SMAD9: variants seen among roughly 807,000 people sequenced by gnomAD.
SMAD9 encodes MAD homolog 9.
In SMAD9, 36 loss-of-function variants were observed where a neutral mutation model predicts 46.1. The ratio of observed to expected loss-of-function variants is 0.78; its 90% confidence interval spans 0.60 to 1.03. The LOEUF is 1.03. Ranked by LOEUF, SMAD9 falls within the 50% of genes least tolerant of loss-of-function variation. The pLI is 0.00. For missense variants in SMAD9, 572 were observed against 599.8 expected (o/e 0.95, Z 0.48); for synonymous variants, 245 against 237.1 (o/e 1.03, Z -0.31).
chr13:36,871,687 G>A (rs1275761654), intron 3 of SMAD9, among the ~76,000 whole-genome samples: 2 of 152,106 alleles, frequency 1.3e-5, no homozygotes, highest in Non-Finnish European at 2.9e-5. Flanking sequence ...ATAATATAGT[G>A]CAACAAATAT....
chr13:36,848,437 C>T lies in SMAD9; in HGVS notation c.*239G>A. The T allele has an allele frequency of 1.8e-6, 1 of 545,990 alleles. No homozygotes were observed. The highest frequency in any genetic ancestry group is 3.3e-6 in the Non-Finnish European group (1 of 304,826). The allele number at this position is 545,990 out of a possible 1,614,324, so 33.8% of individuals were successfully genotyped here. A position where few individuals can be genotyped will look rare whatever the true frequency, so the allele number is the denominator to read the frequency against. ...GACAATATCGCCTCTCAAGTGTTTC[C>T]TCCCACAAAATCTGCTGCTTATAGC... On this transcript the variant is annotated 3_prime_UTR_variant, in exon 7 of 7. Coordinates refer to ENST00000379826, the MANE Select transcript of SMAD9 (RefSeq NM_001127217.3).
rs60358673 is a variant in SMAD9, at chr13:36,905,774, C to CAAAA, written c.-187+14338_-187+14341dup. 1.5e-3 allele frequency among the ~76,000 whole-genome samples: 98 copies of CAAAA among 66,448 alleles called. 5 individuals are homozygous for CAAAA. Among genetic ancestry groups the CAAAA allele is most frequent in the Non-Finnish European group, 1.9e-3 (70 of 36,132 alleles). The allele number at this position is 66,448 out of a possible 152,430, so 43.6% of individuals were successfully genotyped here. A position where few individuals can be genotyped will look rare whatever the true frequency, so the allele number is the denominator to read the frequency against. Reference sequence around the variant, plus strand: ...TAGATAAAAGGGCAAGACCCTGTCTCAAAAAAAAAAAAAAAAAAAAAAAAA... The same window carrying CAAAA: ...TAGATAAAAGGGCAAGACCCTGTCTCAAAAAAAAAAAAAAAAAAAAAAAAAAAAA... On this transcript the variant is annotated intron_variant, in intron 1 of 6. Coordinates refer to ENST00000379826, the MANE Select transcript of SMAD9 (RefSeq NM_001127217.3).
chr13:36,915,443 G>A (rs2058691366), intron 1 of SMAD9, among the ~76,000 whole-genome samples: 1 of 152,016 alleles, frequency 6.6e-6, no homozygotes, highest in Admixed American at 6.6e-5. Context: ...AAAAGAAAAG[G>A]AAGTGATCAG....
intron 1 of SMAD9, among the ~76,000 whole-genome samples, chr13:36,896,109 GTATT>G (rs57024507): frequency 0.025 from 3,747 of 148,602 alleles, 80 homozygotes; most frequent in African/African-American, 0.055. Flanking sequence ...ATCCTGTTGA[GTATT>G]TATTTATTTA....
intron 1 of SMAD9, among the ~76,000 whole-genome samples, chr13:36,909,651 G>A (rs982112453): frequency 5.3e-5 from 8 of 152,154 alleles, no homozygotes; most frequent in African/African-American, 1.9e-4. Flanking sequence ...AAGAATGGAG[G>A]AAGAAGACTC....
At position 36,905,033 on chromosome 13, in the gene SMAD9, G is replaced by A. The variant is rs527560656; in HGVS notation, c.-187+15083C>T. On this transcript the variant is annotated intron_variant, in intron 1 of 6. Coordinates refer to ENST00000379826, the MANE Select transcript of SMAD9 (RefSeq NM_001127217.3). The stretch of plus-strand genomic sequence containing the variant: ...AGGCTATTATCACACTGAGCACTGA[G>A]GGAAGACGGAGATGATTTTGCCCCC... Among the ~76,000 whole-genome samples the A allele has an allele frequency of 5.1e-4, 77 of 152,302 alleles. 1 individual carries two copies. Among genetic ancestry groups the A allele is most frequent in the African/African-American group, 1.7e-3 (70 of 41,570 alleles).
chr13:36,897,849 CTTTT>C (rs574741770), intron 1 of SMAD9, among the ~76,000 whole-genome samples: 1 of 90,020 alleles, frequency 1.1e-5, no homozygotes, highest in Non-Finnish European at 2.1e-5. Context: ...TGTCCTGTGT[CTTTT>C]TTTTTTTTTT....
At position 36,855,903 on chromosome 13, in the gene SMAD9, A is replaced by G. The variant is rs527764538; in HGVS notation, c.1004-2228T>C. Among the ~76,000 whole-genome samples, 9 of 152,296 alleles carry G rather than the reference A, an allele frequency of 5.9e-5. No homozygotes were observed. In the South Asian group the frequency reaches 1.9e-3, roughly 32 times the overall value. On this transcript the variant is annotated intron_variant, in intron 5 of 6. Transcript: ENST00000379826. ...ATATCCAGTCCACGACTGTCCTGTC[A>G]CTGCCTCTCCTCTTCCTCAGTCAGA...
chr13:36,852,173 C>T, intron 6 of SMAD9: 1 of 880,792 alleles, frequency 1.1e-6, no homozygotes, highest in Non-Finnish European at 1.4e-6. Flanking sequence ...CTATATTGTT[C>T]TTACTTTTTA....
intron 1 of SMAD9, among the ~76,000 whole-genome samples, chr13:36,892,118 T>C (rs949662719): frequency 6.6e-6 from 1 of 152,194 alleles, no homozygotes; most frequent in Non-Finnish European, 1.5e-5. Flanking sequence ...ATGGTATTAA[T>C]GGGTGACTAG....
intron 1 of SMAD9, among the ~76,000 whole-genome samples, chr13:36,919,218 G>A (rs568413923): frequency 5.9e-5 from 9 of 152,312 alleles, no homozygotes; most frequent in African/African-American, 2.2e-4. Flanking sequence ...AAGGGCAGGA[G>A]GAGGAAGGAA....
At chr13:36,853,398 G>GT in intron 6 of SMAD9, 21 bp downstream of exon 6, 1 of 1,612,596 alleles carries the variant, frequency 6.2e-7, no homozygotes. Context: ...ATTTTATAAC[G>GT]TGATAGCAAG....
At chr13:36,868,041 T>A (rs943604541) in intron 3 of SMAD9, among the ~76,000 whole-genome samples, 11 of 152,244 alleles carry the variant, frequency 7.2e-5, no homozygotes, top group African/African-American at 2.7e-4. Flanking sequence ...TCCTTCAGTA[T>A]GCATGTCTAA....
At chr13:36,897,423 G>C (rs540008279) in intron 1 of SMAD9, among the ~76,000 whole-genome samples, 1 of 152,140 alleles carries the variant, frequency 6.6e-6, no homozygotes, top group East Asian at 1.9e-4. Context: ...TTCATTCTTG[G>C]TACCTGCTTC....
chr13:36,865,793 T>A (rs747703014), intron 4 of SMAD9, 35 bp from the exon 5 acceptor site: 2 of 1,520,758 alleles, frequency 1.3e-6, no homozygotes, highest in Non-Finnish European at 1.8e-6. Flanking sequence ...ACATGGCTAC[T>A]GTCATACCTG....
In SMAD9 at chr13:36,912,479, G is replaced by A. The variant is rs565349721; in HGVS notation, c.-187+7637C>T. On this transcript the variant is annotated intron_variant, in intron 1 of 6. Transcript: ENST00000379826. ...TATTATTATCAGGCAAGTAATAGGTGCACTATTACAACAGTTACTAGAAGA... is the reference window on the plus strand; with the variant it reads ...TATTATTATCAGGCAAGTAATAGGTACACTATTACAACAGTTACTAGAAGA... Among the ~76,000 whole-genome samples, 9 of 152,296 alleles carry A rather than the reference G, an allele frequency of 5.9e-5. No homozygotes were observed. In the South Asian group the frequency reaches 1.9e-3, roughly 32 times the overall value.
chr13:36,848,660 G>A lies in SMAD9; in HGVS notation c.*16C>T. The A allele has an allele frequency of 4.3e-6, 7 of 1,613,482 alleles. No individual in the cohort carries two copies. Among genetic ancestry groups the A allele is most frequent in the Non-Finnish European group, 5.9e-6 (7 of 1,179,362 alleles). Reference sequence around the variant, plus strand: ...ATAGCCTCTATCCTATGGAAATGCAGCTTAAGACATGACTGTTAAGACACT... The same window carrying A: ...ATAGCCTCTATCCTATGGAAATGCAACTTAAGACATGACTGTTAAGACACT... On this transcript the variant is annotated 3_prime_UTR_variant, in exon 7 of 7. Transcript: ENST00000379826.
intron 2 of SMAD9, among the ~76,000 whole-genome samples, chr13:36,876,539 T>A (rs997662639): frequency 2.6e-5 from 4 of 152,188 alleles, no homozygotes; most frequent in Non-Finnish European, 5.9e-5. Flanking sequence ...TTTTTAAAAT[T>A]GGGCTTATAT....
At position 36,872,891 on chromosome 13, in the gene SMAD9, C is replaced by T. The variant is rs763467279; in HGVS notation, c.437G>A (p.Arg146Lys). The T allele has an allele frequency of 1.1e-4, 181 of 1,614,004 alleles. 1 individual carries two copies. In the Admixed American group the frequency reaches 3.0e-3, roughly 27 times the overall value. ...GAGCTGGGGGTTATATTCACTGTGT[C>T]TTGGCACGAGCACAGGAGGCAGTAC... ...TPVLPPVLVP[R>K]HSEYNPQLSL... The change falls in exon 3 of 7, where the codon AGA becomes AAA. Residue 146 changes from arginine (R) to lysine (K), a missense_variant. Arg to Lys is a conservative substitution (Grantham distance 26). Coordinates refer to ENST00000379826, the MANE Select transcript of SMAD9 (RefSeq NM_001127217.3).
Sources: gnomAD v4.1 joint callset for allele counts (sites outside exome capture counted in the v4.1 genomes callset) on GRCh38, gnomAD v4.1.1 for gene constraint, MANE v1.5 for transcripts, NCBI Gene and HGNC (gene_info 2026-07-23, HGNC 2026-07-21) for gene names.